CNTN4: variants seen among roughly 807,000 people sequenced by gnomAD.
The protein encoded by CNTN4 is contactin 4, also known as contactin-4.
In CNTN4, 77 loss-of-function variants were observed where a neutral mutation model predicts 122.5. That is an observed-to-expected ratio of 0.63 (90% CI 0.52 to 0.76). CNTN4 has a LOEUF of 0.76. CNTN4 is among the 30% of genes least tolerant of loss of function. The pLI is 0.00. For missense variants in CNTN4, 1,256 were observed against 1,259.1 expected (o/e 1.00, Z 0.04); for synonymous variants, 512 against 447.0 (o/e 1.15, Z -1.83).
At chr3:2,444,019 C>G (rs1357088949) in intron 3 of CNTN4, among the ~76,000 whole-genome samples, 1 of 152,112 alleles carries the variant, frequency 6.6e-6, no homozygotes, top group Non-Finnish European at 1.5e-5. Flanking sequence ...ATAGCCCCAG[C>G]CACCTTAATT....
At chr3:2,962,306 G>A (rs75703341) in intron 13 of CNTN4, among the ~76,000 whole-genome samples, 1 of 152,088 alleles carries the variant, frequency 6.6e-6, no homozygotes, top group Non-Finnish European at 1.5e-5. Context: ...GAAATCCCAG[G>A]TTTCCTTTCT....
In CNTN4 at chr3:2,116,773, A is replaced by G. The variant is rs558026847; in HGVS notation, c.-145+16134A>G. Among the ~76,000 whole-genome samples the G allele has an allele frequency of 3.3e-5, 5 of 152,090 alleles. No homozygotes were observed. The South Asian group carries it at 1.0e-3, about 32-fold the overall frequency. On this transcript the variant is annotated intron_variant, in intron 2 of 24. Transcript: ENST00000418658. Reference sequence around the variant, plus strand: ...TCTCTATCCCCCCTGCCAACTCCCTACCCAACACAAAGACTCTTTACTAAA... The same window carrying G: ...TCTCTATCCCCCCTGCCAACTCCCTGCCCAACACAAAGACTCTTTACTAAA...
chr3:2,773,179 A>G (rs1195813007), intron 6 of CNTN4, among the ~76,000 whole-genome samples: 1 of 152,112 alleles, frequency 6.6e-6, no homozygotes. Context: ...AAGCAAGGGT[A>G]TACCTGAAGA....
At chr3:2,108,326 G>A (rs1251967743) in intron 2 of CNTN4, among the ~76,000 whole-genome samples, 8 of 152,010 alleles carry the variant, frequency 5.3e-5, no homozygotes, top group Admixed American at 4.6e-4. Flanking sequence ...GAATGGCTCC[G>A]TCACCTGTAC....
chr3:2,967,234 G>A lies in CNTN4; in HGVS notation c.1359-21111G>A, dbSNP rs1248329787. On this transcript the variant is annotated intron_variant, in intron 13 of 24. Transcript: ENST00000418658. The stretch of plus-strand genomic sequence containing the variant: ...CTTCTTGCACTGAGTCAGTTCCTGG[G>A]TGGGGGCTGTAAAATCAGATGAGCC... Among the ~76,000 whole-genome samples the A allele has an allele frequency of 3.9e-5, 6 of 152,112 alleles. 1 individual carries two copies. Among genetic ancestry groups the A allele is most frequent in the African/African-American group, 1.2e-4 (5 of 41,408 alleles).
At chr3:2,353,871 C>G (rs532873922) in intron 3 of CNTN4, among the ~76,000 whole-genome samples, 146 of 152,194 alleles carry the variant, frequency 9.6e-4, no homozygotes, top group African/African-American at 3.4e-3. Flanking sequence ...CGCACTCCAG[C>G]CTGGGCGACA....
intron 4 of CNTN4, among the ~76,000 whole-genome samples, chr3:2,620,672 G>A (rs2081957168): frequency 6.6e-6 from 1 of 152,128 alleles, no homozygotes; most frequent in African/African-American, 2.4e-5. Context: ...GGCTTTCAGT[G>A]AAGAATCTCT....
intron 3 of CNTN4, among the ~76,000 whole-genome samples, chr3:2,358,102 C>T (rs188669174): frequency 6.6e-6 from 1 of 152,180 alleles, no homozygotes; most frequent in South Asian, 2.1e-4. Context: ...GCAGCAAAAT[C>T]ATTTCTTTTG....
intron 3 of CNTN4, among the ~76,000 whole-genome samples, chr3:2,525,670 C>A (rs949454792): frequency 6.6e-6 from 1 of 152,070 alleles, no homozygotes; most frequent in African/African-American, 2.4e-5. Context: ...CCAAGATTTT[C>A]CATTTAGTAA....
intron 10 of CNTN4, among the ~76,000 whole-genome samples, chr3:2,888,554 T>G (rs1252059660): frequency 6.6e-6 from 1 of 152,146 alleles, no homozygotes; most frequent in Admixed American, 6.5e-5. Flanking sequence ...ACTGCCATTT[T>G]TCATACCCGG....
chr3:2,919,813 T>C (rs2094409572), intron 12 of CNTN4, among the ~76,000 whole-genome samples: 1 of 152,214 alleles, frequency 6.6e-6, no homozygotes, highest in African/African-American at 2.4e-5. Flanking sequence ...AACAAGAATT[T>C]AGCAGCTGAA....
chr3:2,771,705 T>C lies in CNTN4; in HGVS notation c.358+26008T>C, dbSNP rs2091107622. On this transcript the variant is annotated intron_variant, in intron 6 of 24. Coordinates refer to ENST00000418658, the MANE Select transcript of CNTN4 (RefSeq NM_175607.3). ...GAAAAAAATCTGAAAGGAGTAAAAA[T>C]AAATAAGGAAGATCTTGTACTTTAG... Among the ~76,000 whole-genome samples the C allele has an allele frequency of 2.6e-5, 4 of 152,022 alleles. No homozygotes were observed. In the South Asian group the frequency reaches 8.3e-4, roughly 32 times the overall value.
At chr3:2,549,333 G>A (rs1382359349) in intron 3 of CNTN4, among the ~76,000 whole-genome samples, 16 of 152,122 alleles carry the variant, frequency 1.1e-4, no homozygotes, top group African/African-American at 4.8e-5. Context: ...ATTGCCTGTG[G>A]GTTTGTCATA....
At chr3:2,306,482 T>G (rs1359846904) in intron 2 of CNTN4, among the ~76,000 whole-genome samples, 1 of 152,234 alleles carries the variant, frequency 6.6e-6, no homozygotes, top group Non-Finnish European at 1.5e-5. Flanking sequence ...GTCTATTTTT[T>G]AACTGGGTCT....
At position 2,544,650 on chromosome 3, in the gene CNTN4, T is replaced by C. The variant is rs148102852; in HGVS notation, c.-88-26766T>C. Among the ~76,000 whole-genome samples the C allele has an allele frequency of 3.3e-3, 505 of 152,244 alleles. 2 individuals carry two copies. The highest frequency in any genetic ancestry group is 0.011 in the African/African-American group (459 of 41,560). ...CATTTCTTCTAGATTTTCTAGTTTG[T>C]GTGCATTGAAGTGTTCATGGTAGTC... On this transcript the variant is annotated intron_variant, in intron 3 of 24. Transcript: ENST00000418658.
intron 2 of CNTN4, among the ~76,000 whole-genome samples, chr3:2,153,610 GCCT>G (rs913274012): frequency 3.9e-5 from 6 of 152,168 alleles, no homozygotes; most frequent in Non-Finnish European, 7.4e-5. Context: ...TGAAACAATG[GCCT>G]CCTCACAAAA....
chr3:2,976,391 G>A (rs906381901), intron 13 of CNTN4, among the ~76,000 whole-genome samples: 1 of 152,150 alleles, frequency 6.6e-6, no homozygotes, highest in Non-Finnish European at 1.5e-5. Context: ...TTGTTCTTCA[G>A]GTGGCCTGAA....
At chr3:2,958,724 C>T (rs955245799) in intron 13 of CNTN4, among the ~76,000 whole-genome samples, 6 of 152,094 alleles carry the variant, frequency 3.9e-5, no homozygotes, top group African/African-American at 9.7e-5. Flanking sequence ...GAGACAGCTT[C>T]ATAAAAGAGG....
chr3:2,825,966 A>G (rs1307670692), intron 7 of CNTN4, among the ~76,000 whole-genome samples: 2 of 152,150 alleles, frequency 1.3e-5, no homozygotes, highest in East Asian at 1.9e-4. Flanking sequence ...ACATCTGTAG[A>G]GTCCTTTATA....
Sources: gnomAD v4.1 joint callset for allele counts (sites outside exome capture counted in the v4.1 genomes callset) on GRCh38, gnomAD v4.1.1 for gene constraint, MANE v1.5 for transcripts, NCBI Gene and HGNC (gene_info 2026-07-23, HGNC 2026-07-21) for gene names.